PDGFRL: variants seen among roughly 807,000 people sequenced by gnomAD.
PDGFRL encodes the protein platelet-derived growth factor receptor-like protein.
Under a neutral mutation model 37.2 loss-of-function variants are expected in PDGFRL, and 46 were observed. The observed-to-expected ratio is 1.24, with a 90% CI of 0.98 to 1.58. PDGFRL has a LOEUF of 1.58. PDGFRL is among the 40% of genes most tolerant of loss of function. The pLI, the probability that PDGFRL is intolerant of heterozygous loss-of-function variation, is 0.00. For synonymous variants in PDGFRL, 251 were observed against 184.3 expected (o/e 1.36, Z -2.93); for missense variants, 692 against 467.6 (o/e 1.48, Z -4.43).
intron 2 of PDGFRL, among the ~76,000 whole-genome samples, chr8:17,601,285 C>A (rs6997396): frequency 0.24 from 35,932 of 151,948 alleles, 4,835 homozygotes; most frequent in African/African-American, 0.36. Context: ...CCAGCATGCC[C>A]CAGGTCCTCC....
chr8:17,582,496 C>A (rs1585295887), intron 1 of PDGFRL, among the ~76,000 whole-genome samples: 1 of 149,408 alleles, frequency 6.7e-6, no homozygotes, highest in Non-Finnish European at 1.5e-5. Context: ...GCAGGGGAGT[C>A]GCTTGAACTC....
chr8:17,596,236 G>A (rs2150817756), intron 2 of PDGFRL: 3 of 631,210 alleles, frequency 4.8e-6, no homozygotes, highest in Non-Finnish European at 6.8e-6. Context: ...TGACCGGGCT[G>A]GGGGTGTCCA....
At chr8:17,577,028 GC>G, upstream of PDGFRL, 1 of 610,168 alleles carries the variant, frequency 1.6e-6, no homozygotes, top group Non-Finnish European at 2.8e-6. Flanking sequence ...GGGAAGAAGT[GC>G]TGCGCACCGC....
chr8:17,606,993 T>G (rs913815494), intron 2 of PDGFRL, among the ~76,000 whole-genome samples: 1 of 148,064 alleles, frequency 6.8e-6, no homozygotes, highest in African/African-American at 2.5e-5. Context: ...CCTCCCAGGT[T>G]CAAGCAATTC....
At chr8:17,584,119 G>C (rs1172627281) in intron 1 of PDGFRL, among the ~76,000 whole-genome samples, 1 of 152,142 alleles carries the variant, frequency 6.6e-6, no homozygotes, top group Non-Finnish European at 1.5e-5. Context: ...TTCAGGGTCT[G>C]TTTTCAAGAT....
At chr8:17,580,555 C>T (rs7837564) in intron 1 of PDGFRL, among the ~76,000 whole-genome samples, 22,114 of 151,966 alleles carry the variant, frequency 0.15, 1,733 homozygotes, top group African/African-American at 0.2. Context: ...CAAACCTAGA[C>T]AAGGTTTTAA....
Position 17,577,230 on chromosome 8 carries a change from C to T in PDGFRL, c.-23C>T, listed in dbSNP as rs766995531. On this transcript the variant is annotated 5_prime_UTR_variant, in exon 1 of 6. Transcript: ENST00000251630. ...CCCGCGCAGCCGCCGCGCTCCTGCG[C>T]TCCGAGGTCCGAGGTTCCCGAGATG... 26 of 1,609,828 alleles carry T rather than the reference C, an allele frequency of 1.6e-5. No homozygotes were observed. The highest frequency in any genetic ancestry group is 2.2e-5 in the Non-Finnish European group (26 of 1,178,406).
chr8:17,614,066 C>T lies in PDGFRL; in HGVS notation c.354-6985C>T, dbSNP rs568392661. ...AGATGATAGATAGATAGTAGATGGG[C>T]AACAGACAGATTGACAGATGATAGA... On this transcript the variant is annotated intron_variant, in intron 2 of 5. Transcript: ENST00000251630. Among the ~76,000 whole-genome samples the T allele has an allele frequency of 1.1e-4, 16 of 152,050 alleles. No homozygotes were observed. In the East Asian group the frequency reaches 3.1e-3, roughly 29 times the overall value.
rs1280850978 is a variant in PDGFRL at position 17,637,353 on chromosome 8, G to C, written c.939+3140G>C. On this transcript the variant is annotated intron_variant, in intron 5 of 5. Transcript: ENST00000251630. ...TGTTGAGATGATCATGTGATTTTTT[G>C]TTTTTAATTCTATGTGGTGTATCCC... Among the ~76,000 whole-genome samples, 3 of 152,158 alleles carry C rather than the reference G, an allele frequency of 2.0e-5. No individual in the cohort carries two copies. The East Asian group carries it at 5.8e-4, about 29-fold the overall frequency.
Position 17,628,787 on chromosome 8 carries a change from C to G in PDGFRL, c.799+7C>G. On this transcript the variant is annotated splice_region_variant and intron_variant, in intron 4 of 5. Transcript: ENST00000251630. ...CAGCTGCTCTATGTGGCGGGTAAGCCTGGCCACCCCTGCCTAGATTCTAGT... is the reference window on the plus strand; with the variant it reads ...CAGCTGCTCTATGTGGCGGGTAAGCGTGGCCACCCCTGCCTAGATTCTAGT... The G allele has an allele frequency of 6.2e-7, 1 of 1,603,120 alleles. No homozygotes were observed.
chr8:17,613,109 C>G (rs901107648), intron 2 of PDGFRL, among the ~76,000 whole-genome samples: 1 of 152,112 alleles, frequency 6.6e-6, no homozygotes, highest in African/African-American at 2.4e-5. Context: ...TAGATCATGC[C>G]CCATTTTTTA....
At chr8:17,635,148 T>G (rs977649676) in intron 5 of PDGFRL, among the ~76,000 whole-genome samples, 1 of 152,188 alleles carries the variant, frequency 6.6e-6, no homozygotes, top group African/African-American at 2.4e-5. Context: ...TTTGTCATTT[T>G]TGATTTCAAT....
At chr8:17,640,409 T>C (rs545421662) in intron 5 of PDGFRL, among the ~76,000 whole-genome samples, 13 of 152,282 alleles carry the variant, frequency 8.5e-5, no homozygotes, top group Admixed American at 5.2e-4. Flanking sequence ...GGGTAGACTA[T>C]GGTAGAGGGA....
At position 17,640,971 on chromosome 8, in the gene PDGFRL, T is replaced by C. The variant is rs115084145; in HGVS notation, c.940-1642T>C. On this transcript the variant is annotated intron_variant, in intron 5 of 5. Coordinates refer to ENST00000251630, the MANE Select transcript of PDGFRL (RefSeq NM_001372073.1). ...CTATGGCTGCTGTTGGGACTGGCGG[T>C]GTGGTTCTCAGGCCAATGGGGTTAT... is the stretch of plus-strand genomic sequence containing the variant. Among the ~76,000 whole-genome samples the C allele has an allele frequency of 1.6e-3, 239 of 151,680 alleles. 1 individual carries two copies. The highest frequency in any genetic ancestry group is 5.6e-3 in the African/African-American group (230 of 41,348).
At chr8:17,603,210 T>C (rs1181267398) in intron 2 of PDGFRL, among the ~76,000 whole-genome samples, 2 of 152,174 alleles carry the variant, frequency 1.3e-5, no homozygotes, top group Non-Finnish European at 1.5e-5. Flanking sequence ...TGTTGAACTG[T>C]TGACCTCAAG....
chr8:17,593,433 T>G (rs2588145), intron 2 of PDGFRL, among the ~76,000 whole-genome samples: 7,277 of 37,374 alleles, frequency 0.19, 475 homozygotes, highest in South Asian at 0.37. Context: ...CTACTAAAAA[T>G]ACGGAAAAAA....
intron 3 of PDGFRL, among the ~76,000 whole-genome samples, chr8:17,622,059 C>T (rs1050979291): frequency 6.6e-6 from 1 of 152,178 alleles, no homozygotes; most frequent in African/African-American, 2.4e-5. Context: ...GTCCCTGTCC[C>T]TAAGCCTCAG....
intron 2 of PDGFRL, among the ~76,000 whole-genome samples, chr8:17,604,735 TAATA>T (rs1364656135): frequency 6.6e-6 from 1 of 152,078 alleles, no homozygotes; most frequent in African/African-American, 2.4e-5. Flanking sequence ...TAAAGTATAA[TAATA>T]ATAAAATTTA....
chr8:17,641,898 C>CCCGCCCCCCCCCCCCCCCCCCCCCCT (rs1339224750), intron 5 of PDGFRL, among the ~76,000 whole-genome samples: 5 of 129,858 alleles, frequency 3.9e-5, no homozygotes, highest in African/African-American at 1.6e-4. Context: ...AATAGAGGTC[C>CCCGCCCCCCCCCCCCCCCCCCCCCCT]CCGCCACATT....
Sources: allele counts gnomAD v4.1 joint callset (sites outside exome capture counted in the v4.1 genomes callset), GRCh38; gene constraint gnomAD v4.1.1; transcripts MANE v1.5; gene names NCBI Gene and HGNC (gene_info 2026-07-23, HGNC 2026-07-21).